WDR37: variants seen among roughly 807,000 people sequenced by gnomAD.
WDR37 encodes the protein WD repeat domain 37.
Under a neutral mutation model 62.9 loss-of-function variants are expected in WDR37, and 19 were observed. The ratio of observed to expected loss-of-function variants is 0.30; its 90% CI spans 0.21 to 0.44. The LOEUF is 0.44. WDR37 is among the 20% of genes least tolerant of loss of function. The pLI, the probability that WDR37 is intolerant of heterozygous loss-of-function variation, is 1.00. For synonymous variants in WDR37, 250 were observed against 260.9 expected (o/e 0.96, Z 0.40); for missense variants, 474 against 657.6 (o/e 0.72, Z 3.05).
intron 1 of WDR37, among the ~76,000 whole-genome samples, chr10:1,069,389 A>ATTTTTTTTTTTTTTT (rs377212232): frequency 4.2e-5 from 4 of 95,780 alleles, no homozygotes; most frequent in South Asian, 3.8e-4. Context: ...ATATATATAT[A>ATTTTTTTTTTTTTTT]TTTTTTTTTT....
rs558491400 is a variant in WDR37, at chr10:1,064,918, T to G, written c.-40-7198T>G. ...CCTGACAGTGGATCTTATCAGAAAT[T>G]GTGGAGGGCATAAGGAAGTGGCAGG... On this transcript the variant is annotated intron_variant, in intron 1 of 13. Coordinates refer to ENST00000263150, the MANE Select transcript of WDR37 (RefSeq NM_014023.4). 3.9e-5 allele frequency among the ~76,000 whole-genome samples: 6 copies of G among 152,160 alleles called. No individual in the cohort carries two copies. The East Asian group carries it at 1.2e-3, about 29-fold the overall frequency.
At chr10:1,097,957 G>A (rs932627689) in intron 9 of WDR37, among the ~76,000 whole-genome samples, 3 of 152,190 alleles carry the variant, frequency 2.0e-5, no homozygotes, top group East Asian at 1.9e-4. Flanking sequence ...TGATTCAGGT[G>A]ATGTTTTGTT....
At position 1,124,134 on chromosome 10, in the gene WDR37, C is replaced by G. The variant is rs966991514; in HGVS notation, c.1104-84C>G. The G allele has an allele frequency of 1.2e-5, 19 of 1,579,718 alleles. No homozygotes were observed. In the Admixed American group the frequency reaches 1.9e-4, roughly 16 times the overall value. The stretch of plus-strand genomic sequence containing the variant: ...TTGCGCTTCTCCGACCTCCTTCCCA[C>G]CCACTTGGTCAGGGTTGTGTGTGGG... On this transcript the variant is annotated intron_variant, in intron 11 of 13. Transcript: ENST00000263150.
At chr10:1,081,819 A>G (rs1414402032) in intron 5 of WDR37, among the ~76,000 whole-genome samples, 1 of 152,206 alleles carries the variant, frequency 6.6e-6, no homozygotes, top group East Asian at 1.9e-4. Flanking sequence ...GTACAGTTGT[A>G]TATATACAAT....
chr10:1,114,167 A>C (rs763744620), intron 11 of WDR37, among the ~76,000 whole-genome samples: 11 of 151,900 alleles, frequency 7.2e-5, no homozygotes, highest in Admixed American at 3.9e-4. Context: ...ACATCGGCCA[A>C]GCTGGTCTCA....
chr10:1,128,262 C>T (rs966904815), intron 13 of WDR37, among the ~76,000 whole-genome samples: 4 of 152,192 alleles, frequency 2.6e-5, no homozygotes, highest in African/African-American at 4.8e-5. Context: ...CACTCTTGTA[C>T]CTGATGCTGT....
At chr10:1,120,930 G>A (rs865855204) in intron 11 of WDR37, among the ~76,000 whole-genome samples, 2 of 152,378 alleles carry the variant, frequency 1.3e-5, no homozygotes, top group Non-Finnish European at 2.9e-5. Flanking sequence ...GGAGACCCGC[G>A]GAGGGAGCGG....
chr10:1,092,605 G>A (rs1481149737), intron 7 of WDR37, among the ~76,000 whole-genome samples: 4 of 151,612 alleles, frequency 2.6e-5, no homozygotes, highest in Admixed American at 6.6e-5. Flanking sequence ...TGATCTGCCC[G>A]CCTCGGCCTC....
chr10:1,126,611 GC>G (rs752634870), intron 13 of WDR37, among the ~76,000 whole-genome samples: 142 of 152,294 alleles, frequency 9.3e-4, no homozygotes, highest in Admixed American at 2.0e-3. Flanking sequence ...AGCTTGGGTG[GC>G]CCCCTCAGTG....
At chr10:1,075,462 G>A (rs1833851501) in intron 2 of WDR37, among the ~76,000 whole-genome samples, 1 of 145,170 alleles carries the variant, frequency 6.9e-6, no homozygotes, top group South Asian at 2.2e-4. Context: ...GCCCCGGTGT[G>A]TGATATTCCC....
intron 1 of WDR37, among the ~76,000 whole-genome samples, chr10:1,062,165 G>A (rs1833391118): frequency 6.6e-6 from 1 of 152,188 alleles, no homozygotes; most frequent in Non-Finnish European, 1.5e-5. Flanking sequence ...TCTGTATTTG[G>A]TGCCAAGTTC....
At chr10:1,069,389 A>ATATATATATATATATATATATATATT in intron 1 of WDR37, among the ~76,000 whole-genome samples, 2 of 95,806 alleles carry the variant, frequency 2.1e-5, no homozygotes, top group African/African-American at 9.4e-5. Flanking sequence ...ATATATATAT[A>ATATATATATATATATATATATATATT]TTTTTTTTTT....
At chr10:1,112,236 T>A (rs957116324) in intron 11 of WDR37, among the ~76,000 whole-genome samples, 2 of 152,214 alleles carry the variant, frequency 1.3e-5, no homozygotes, top group Non-Finnish European at 2.9e-5. Flanking sequence ...TCTTACTTTT[T>A]CATTGTGATT....
chr10:1,107,741 CACT>C (rs1835070329), intron 11 of WDR37, among the ~76,000 whole-genome samples: 3 of 151,916 alleles, frequency 2.0e-5, no homozygotes, highest in Admixed American at 6.6e-5. Context: ...GTGTACACAC[CACT>C]GTCTGTAACA....
chr10:1,060,608 A>G (rs1833345341), intron 1 of WDR37, among the ~76,000 whole-genome samples: 1 of 152,182 alleles, frequency 6.6e-6, no homozygotes, highest in Non-Finnish European at 1.5e-5. Flanking sequence ...TATTTAGGTA[A>G]AACAGTGCAT....
At chr10:1,090,052 C>T (rs574856526) in intron 7 of WDR37, among the ~76,000 whole-genome samples, 4 of 152,326 alleles carry the variant, frequency 2.6e-5, no homozygotes, top group African/African-American at 7.2e-5. Context: ...CTGCAACCTC[C>T]GCCTCCCACG....
At position 1,131,508 on chromosome 10, in the gene WDR37, AG is replaced by A. The variant is rs951185290; in HGVS notation, c.*2167del. Reference sequence around the variant, plus strand: ...CTGCTCACCTTGTCTGGCAAACTGGAGGGACCTCAGAAACTGGACTCCTGCA... The same window carrying A: ...CTGCTCACCTTGTCTGGCAAACTGGAGGACCTCAGAAACTGGACTCCTGCA... On this transcript the variant is annotated 3_prime_UTR_variant, in exon 14 of 14. Transcript: ENST00000263150. 6.6e-6 allele frequency: 1 copy of A among 152,380 alleles called. No homozygotes were observed. The highest frequency in any genetic ancestry group is 2.4e-5 in the African/African-American group (1 of 41,576). The allele number at this position is 152,380 out of a possible 1,614,324, so 9.4% of individuals were successfully genotyped here. A position where few individuals can be genotyped will look rare whatever the true frequency, so the allele number is the denominator to read the frequency against.
At chr10:1,073,750 G>A (rs1458038995) in intron 2 of WDR37, among the ~76,000 whole-genome samples, 2 of 152,122 alleles carry the variant, frequency 1.3e-5, no homozygotes, top group Admixed American at 6.5e-5. Context: ...GTGGCTCGCC[G>A]ACACCATCTT....
intron 6 of WDR37, among the ~76,000 whole-genome samples, chr10:1,086,031 C>G (rs1310738607): frequency 6.6e-6 from 1 of 152,186 alleles, no homozygotes; most frequent in African/African-American, 2.4e-5. Context: ...TGCAGCCAGC[C>G]TGATAGTAAA....
Sources: gnomAD v4.1 joint callset for allele counts (sites outside exome capture counted in the v4.1 genomes callset) on GRCh38, gnomAD v4.1.1 for gene constraint, MANE v1.5 for transcripts, NCBI Gene and HGNC (gene_info 2026-07-23, HGNC 2026-07-21) for gene names.